KIFAP3: variants seen among roughly 807,000 people sequenced by gnomAD.
KIFAP3 encodes the protein kinesin associated protein 3, also known as kinesin-associated protein 3.
In KIFAP3, 68 loss-of-function variants were observed where a neutral mutation model predicts 106.5. The ratio of observed to expected loss-of-function variants is 0.64; its 90% confidence interval spans 0.53 to 0.78. The LOEUF is 0.78. Ranked by LOEUF, KIFAP3 falls within the 30% of genes least tolerant of loss-of-function variation. The probability of loss-of-function intolerance (pLI) is 0.00; values close to 1 mark genes in which losing one functional copy is unlikely to be tolerated. For synonymous variants in KIFAP3, 320 were observed against 311.5 expected, an observed-to-expected ratio of 1.03 and a Z score of -0.29; for missense variants, 780 against 941.8, an observed-to-expected ratio of 0.83 and a Z score of 2.25.
chr1:169,961,122 C>A lies in KIFAP3; in HGVS notation c.2097G>T (p.Leu699Phe). The A allele has an allele frequency of 6.2e-7, 1 of 1,613,746 alleles. No individual in the cohort carries two copies. The highest frequency in any genetic ancestry group is 8.5e-7 in the Non-Finnish European group (1 of 1,179,754). Residue 699 changes from leucine to phenylalanine, a missense_variant, in exon 18 of 20, where the codon TTG becomes TTT. This residue lies in a region of KIFAP3 where 114 missense variants were observed against 122.3 expected (regional missense o/e 0.93). Coordinates refer to ENST00000361580, the MANE Select transcript of KIFAP3 (RefSeq NM_014970.4). ...ATGGCTCAATTCGATCATCACCATA[C>A]AAGTACTGCTCACTCTCATCCATCT... ...SRQMDESEQY[L>F]YGDDRIEPYI...
At chr1:169,933,579 T>C (rs1228385398) in intron 19 of KIFAP3, among the ~76,000 whole-genome samples, 1 of 152,080 alleles carries the variant, frequency 6.6e-6, no homozygotes, top group Non-Finnish European at 1.5e-5. Context: ...ACACTTTGCA[T>C]TGACATAAAC....
chr1:169,953,453 T>A (rs1049701029), intron 19 of KIFAP3, among the ~76,000 whole-genome samples: 70 of 124,426 alleles, frequency 5.6e-4, no homozygotes, highest in African/African-American at 2.0e-3. Context: ...GCAAAAGTAT[T>A]GTTTGTGTCA....
At chr1:169,983,119 A>G in intron 13 of KIFAP3, 151 bp downstream of exon 13, 1 of 613,014 alleles carries the variant, frequency 1.6e-6, no homozygotes. Flanking sequence ...ATAGGTTGAG[A>G]TTTCTAGGTG....
At chr1:169,954,257 A>G (rs1664889648) in intron 18 of KIFAP3, 147 bp from the exon 19 acceptor site, 1 of 604,042 alleles carries the variant, frequency 1.7e-6, no homozygotes, top group South Asian at 2.0e-5. Flanking sequence ...GAGTATGAAC[A>G]GACAACTGTA....
chr1:169,921,498 C>T lies in KIFAP3; in HGVS notation c.*178G>A. On this transcript the variant is annotated 3_prime_UTR_variant, in exon 20 of 20. Transcript: ENST00000361580. ...GATGAGTGAACAATGTCAGTATCAA[C>T]TGTACTTAACAGAAGACAGAGGGGC... is the stretch of plus-strand genomic sequence containing the variant. 1 of 518,590 alleles carries T rather than the reference C, an allele frequency of 1.9e-6. No homozygotes were observed. The highest frequency in any genetic ancestry group is 3.5e-6 in the Non-Finnish European group (1 of 288,676). 32.1% of individuals were successfully genotyped at this position (518,590 alleles called of 1,614,324 possible).
intron 11 of KIFAP3, among the ~76,000 whole-genome samples, chr1:169,989,740 AG>A (rs1352314685): frequency 6.6e-6 from 1 of 152,076 alleles, no homozygotes; most frequent in African/African-American, 2.4e-5. Context: ...CTGATATAAA[AG>A]TCTAAGAAAT....
rs1043593282 is a variant in KIFAP3 at position 170,026,980 on chromosome 1, C to T, written c.842-2384G>A. Reference sequence around the variant, plus strand: ...AGATATTTTTAGGAATAAAAAAGTCCACCTACAACAATGTAAATTTCACTG... The same window carrying T: ...AGATATTTTTAGGAATAAAAAAGTCTACCTACAACAATGTAAATTTCACTG... On this transcript the variant is annotated intron_variant, in intron 8 of 19. Transcript: ENST00000361580. Among the ~76,000 whole-genome samples the T allele has an allele frequency of 2.0e-5, 3 of 151,234 alleles. No individual in the cohort carries two copies. In the South Asian group the frequency reaches 6.3e-4, roughly 32 times the overall value.
chr1:170,074,646 C>A lies in KIFAP3; in HGVS notation c.-179G>T. 1.4e-6 allele frequency: 2 copies of A among 1,463,630 alleles called. No homozygotes were observed. The highest frequency in any genetic ancestry group is 2.8e-5 in the African/African-American group (2 of 71,010). 90.7% of individuals were successfully genotyped at this position (1,463,630 alleles called of 1,614,324 possible). ...GTGAAGCCTCCAGCTCCTCCCACAG[C>A]TTCTGTGCCCCAAAACACTGGAGCG... is the stretch of plus-strand genomic sequence containing the variant. On this transcript the variant is annotated 5_prime_UTR_variant, in exon 1 of 20. Transcript: ENST00000361580.
intron 19 of KIFAP3, among the ~76,000 whole-genome samples, chr1:169,942,273 A>G (rs1368839690): frequency 6.6e-6 from 1 of 152,236 alleles, no homozygotes; most frequent in East Asian, 1.9e-4. Flanking sequence ...GAGGAGAAAA[A>G]AGAAAAAAAG....
chr1:169,933,187 G>T (rs892462955), intron 19 of KIFAP3, among the ~76,000 whole-genome samples: 1 of 151,864 alleles, frequency 6.6e-6, no homozygotes, highest in Non-Finnish European at 1.5e-5. Flanking sequence ...GCTTTGTATG[G>T]ATATTTCAAA....
At chr1:169,984,260 A>C (rs1666674772) in intron 12 of KIFAP3, among the ~76,000 whole-genome samples, 1 of 151,872 alleles carries the variant, frequency 6.6e-6, no homozygotes, top group African/African-American at 2.4e-5. Context: ...AAATAATCTA[A>C]TACATTTGTA....
chr1:170,003,724 C>G (rs1195055539), intron 10 of KIFAP3, among the ~76,000 whole-genome samples: 2 of 152,306 alleles, frequency 1.3e-5, no homozygotes, highest in East Asian at 1.9e-4. Flanking sequence ...ATAATAAGAG[C>G]TATCTATGAC....
chr1:170,023,994 AAAG>A (rs1433020147), intron 9 of KIFAP3: 2 of 152,542 alleles, frequency 1.3e-5, no homozygotes, highest in African/African-American at 2.4e-5. Context: ...AGCAGGTAAC[AAAG>A]AAGAATTGTA....
intron 8 of KIFAP3, among the ~76,000 whole-genome samples, chr1:170,028,888 A>G (rs1285397032): frequency 6.6e-6 from 1 of 152,142 alleles, no homozygotes; most frequent in Non-Finnish European, 1.5e-5. Flanking sequence ...ATGGAAATAA[A>G]ATAGAATTTA....
At chr1:169,952,916 G>A (rs1664803234) in intron 19 of KIFAP3, among the ~76,000 whole-genome samples, 1 of 151,946 alleles carries the variant, frequency 6.6e-6, no homozygotes, top group Admixed American at 6.6e-5. Flanking sequence ...GGTCACAACT[G>A]TATTGTTCAT....
Position 170,066,949 on chromosome 1 carries a change from A to C in KIFAP3, c.32+7487T>G, listed in dbSNP as rs143814689. On this transcript the variant is annotated intron_variant, in intron 1 of 19. Coordinates refer to ENST00000361580, the MANE Select transcript of KIFAP3 (RefSeq NM_014970.4). ...CATCCTGAGCCTCAAATGATTATTTATACATTTATATTCCTATATATGATA... is the reference window on the plus strand; with the variant it reads ...CATCCTGAGCCTCAAATGATTATTTCTACATTTATATTCCTATATATGATA... 4.6e-3 allele frequency among the ~76,000 whole-genome samples: 697 copies of C among 152,328 alleles called. 1 individual carries two copies. The highest frequency in any genetic ancestry group is 7.1e-3 in the Non-Finnish European group (481 of 68,024).
At chr1:170,045,093 T>G (rs1670175486) in intron 3 of KIFAP3, among the ~76,000 whole-genome samples, 1 of 152,220 alleles carries the variant, frequency 6.6e-6, no homozygotes, top group African/African-American at 2.4e-5. Context: ...AGATGCTAGC[T>G]ACTTTACCAA....
At chr1:170,049,402 C>T (rs2102098228) in intron 2 of KIFAP3, among the ~76,000 whole-genome samples, 1 of 152,322 alleles carries the variant, frequency 6.6e-6, no homozygotes, top group African/African-American at 2.4e-5. Flanking sequence ...CTTCAGCAGA[C>T]TTAATCTTTC....
intron 19 of KIFAP3, among the ~76,000 whole-genome samples, chr1:169,949,855 A>G (rs1262640118): frequency 1.3e-5 from 2 of 152,116 alleles, no homozygotes; most frequent in African/African-American, 4.8e-5. Context: ...ACTGATAGTG[A>G]CACATGTCTA....
Sources: gnomAD v4.1 joint callset for allele counts (sites outside exome capture counted in the v4.1 genomes callset) on GRCh38, gnomAD v4.1.1 for gene constraint, gnomAD v4.1.1 regional missense constraint, MANE v1.5 for transcripts, NCBI Gene and HGNC (gene_info 2026-07-23, HGNC 2026-07-21) for gene names.